CDH4: variants seen among roughly 807,000 people sequenced by gnomAD.
The protein encoded by CDH4 is cadherin-4.
CDH4 carries 33 observed loss-of-function variants against 86.0 expected under a neutral mutation model. The observed-to-expected ratio is 0.38, with a 90% CI of 0.29 to 0.51. The LOEUF (loss-of-function observed/expected upper bound fraction) is 0.51. CDH4 is among the 20% of genes least tolerant of loss of function. The probability of loss-of-function intolerance (pLI) is 0.86; values close to 1 mark genes in which losing one functional copy is unlikely to be tolerated. For missense variants in CDH4, 1,114 were observed against 1,307.4 expected (o/e 0.85, Z 2.28); for synonymous variants, 555 against 549.4 (o/e 1.01, Z -0.14).
At chr20:61,289,398 T>G (rs2084310179) in intron 2 of CDH4, among the ~76,000 whole-genome samples, 1 of 152,174 alleles carries the variant, frequency 6.6e-6, no homozygotes, top group African/African-American at 2.4e-5. Context: ...AAGCCCTCTC[T>G]TCTCTGGGGG....
At chr20:61,759,969 A>T (rs2088612795) in intron 3 of CDH4, among the ~76,000 whole-genome samples, 1 of 152,228 alleles carries the variant, frequency 6.6e-6, no homozygotes, top group African/African-American at 2.4e-5. Context: ...GCCAGGACCG[A>T]GGTCACAAGC....
Position 61,733,228 on chromosome 20 carries a change from A to G in CDH4, c.170-10335A>G, listed in dbSNP as rs117410120. Among the ~76,000 whole-genome samples, 786 of 152,198 alleles carry G rather than the reference A, an allele frequency of 5.2e-3. 3 individuals are homozygous for G. The highest frequency in any genetic ancestry group is 6.2e-3 in the Non-Finnish European group (423 of 68,004). ...TTTGGTTGTTTCAAGGGAATTCTCT[A>G]TGTTCCACACAGAGCAAGTTCCGGG... On this transcript the variant is annotated intron_variant, in intron 2 of 15. Transcript: ENST00000614565.
At chr20:61,702,327 C>T (rs1392781279) in intron 2 of CDH4, among the ~76,000 whole-genome samples, 1 of 152,150 alleles carries the variant, frequency 6.6e-6, no homozygotes, top group Non-Finnish European at 1.5e-5. Flanking sequence ...AATCGGGGGC[C>T]CAGGATGGGA....
intron 4 of CDH4, among the ~76,000 whole-genome samples, chr20:61,820,705 G>A (rs913723558): frequency 6.6e-6 from 1 of 152,166 alleles, no homozygotes; most frequent in African/African-American, 2.4e-5. Flanking sequence ...CCTGGAGGCA[G>A]CTTTGCTTTG....
chr20:61,790,478 TC>T (rs2146014677), intron 4 of CDH4, among the ~76,000 whole-genome samples: 2 of 146,208 alleles, frequency 1.4e-5, no homozygotes, highest in Non-Finnish European at 3.0e-5. Context: ...CCACCCACCA[TC>T]CTTCCATTCA....
intron 6 of CDH4, among the ~76,000 whole-genome samples, chr20:61,862,960 T>C (rs1983393405): frequency 1.3e-5 from 2 of 152,186 alleles, no homozygotes; most frequent in South Asian, 4.1e-4. Context: ...TTATTTTCTT[T>C]CTTTGCCGGC....
chr20:61,302,262 C>T (rs891783619), intron 2 of CDH4, among the ~76,000 whole-genome samples: 1 of 152,228 alleles, frequency 6.6e-6, no homozygotes, highest in Non-Finnish European at 1.5e-5. Context: ...TTCTTAGCCA[C>T]TGGGGACCTT....
intron 2 of CDH4, among the ~76,000 whole-genome samples, chr20:61,658,993 C>T (rs1174859903): frequency 6.6e-6 from 1 of 152,170 alleles, no homozygotes; most frequent in African/African-American, 2.4e-5. Flanking sequence ...TCTAACAGGC[C>T]CCCAGGCTGC....
At chr20:61,481,946 T>C (rs1171752908) in intron 2 of CDH4, among the ~76,000 whole-genome samples, 1 of 152,214 alleles carries the variant, frequency 6.6e-6, no homozygotes, top group Non-Finnish European at 1.5e-5. Flanking sequence ...ATCGATGACT[T>C]TGTATGTCTC....
intron 2 of CDH4, among the ~76,000 whole-genome samples, chr20:61,458,324 G>T (rs1439831812): frequency 6.6e-6 from 1 of 151,426 alleles, no homozygotes; most frequent in East Asian, 2.0e-4. Flanking sequence ...GGTGGTGATG[G>T]TCATGGTCAT....
In CDH4 at chr20:61,784,513, C is replaced by G. The variant is rs370346449; in HGVS notation, c.576+11331C>G. Among the ~76,000 whole-genome samples, 9 of 98,434 alleles carry G rather than the reference C, an allele frequency of 9.1e-5. 1 individual carries two copies. Among genetic ancestry groups the G allele is most frequent in the Non-Finnish European group, 1.4e-4 (7 of 49,202 alleles). The allele number at this position is 98,434 out of a possible 152,430, so 64.6% of individuals were successfully genotyped here. A position where few individuals can be genotyped will look rare whatever the true frequency, so the allele number is the denominator to read the frequency against. ...CTGTGCCCCCAGGAGAATGTAAGCC[C>G]AGTTCCTCGGGACAGTTCTCGAGGC... On this transcript the variant is annotated intron_variant, in intron 4 of 15. Transcript: ENST00000614565.
intron 7 of CDH4, among the ~76,000 whole-genome samples, chr20:61,876,040 C>G (rs536238264): frequency 1.3e-5 from 2 of 152,232 alleles, no homozygotes; most frequent in African/African-American, 4.8e-5. Flanking sequence ...CTGACTGGAG[C>G]GTGTGCGTGC....
intron 2 of CDH4, among the ~76,000 whole-genome samples, chr20:61,452,845 A>AAACTGAGTGGC (rs1291820549): frequency 1.3e-5 from 2 of 152,204 alleles, no homozygotes; most frequent in East Asian, 3.9e-4. Context: ...CAAAAACAGA[A>AAACTGAGTGGC]AACTGAGTGA....
At chr20:61,731,728 T>C (rs2088191120) in intron 2 of CDH4, among the ~76,000 whole-genome samples, 1 of 152,158 alleles carries the variant, frequency 6.6e-6, no homozygotes, top group South Asian at 2.1e-4. Context: ...CTCCCTTGGT[T>C]TGGAGACGTG....
chr20:61,469,669 C>A lies in CDH4; in HGVS notation c.169+214732C>A, dbSNP rs114078612. On this transcript the variant is annotated intron_variant, in intron 2 of 15. Coordinates refer to ENST00000614565, the MANE Select transcript of CDH4 (RefSeq NM_001794.5). ...TCTTGGAAAGTTTCCCCAATGTTTT[C>A]TTTTAATAATTTCATGGTTTGAGGT... Among the ~76,000 whole-genome samples, 791 of 152,260 alleles carry A rather than the reference C, an allele frequency of 5.2e-3. 9 individuals are homozygous for A. Among genetic ancestry groups the A allele is most frequent in the African/African-American group, 0.017 (705 of 41,554 alleles).
chr20:61,541,477 C>T (rs1391977841), intron 2 of CDH4, among the ~76,000 whole-genome samples: 1 of 152,196 alleles, frequency 6.6e-6, no homozygotes, highest in East Asian at 1.9e-4. Flanking sequence ...GAATAGAGCT[C>T]TGAAAAGGAC....
chr20:61,810,889 T>C lies in CDH4; in HGVS notation c.577-33779T>C, dbSNP rs1980398958. The stretch of plus-strand genomic sequence containing the variant: ...TCCAGAACGCAGCCAGCACAGAGGG[T>C]ATGGCCGCTCCAGGAAGCTTCGAGA... On this transcript the variant is annotated intron_variant, in intron 4 of 15. Coordinates refer to ENST00000614565, the MANE Select transcript of CDH4 (RefSeq NM_001794.5). This position sits in a 1 kb window ranked among gnomAD's most constrained non-coding sequence, Gnocchi z 4.3. Among the ~76,000 whole-genome samples the C allele has an allele frequency of 6.6e-6, 1 of 151,948 alleles. No individual in the cohort carries two copies. Among genetic ancestry groups the C allele is most frequent in the Non-Finnish European group, 1.5e-5 (1 of 68,012 alleles).
At chr20:61,924,778 A>G in intron 11 of CDH4, among the ~76,000 whole-genome samples, 1 of 151,652 alleles carries the variant, frequency 6.6e-6, no homozygotes, top group South Asian at 2.1e-4. Flanking sequence ...TCACTCACCC[A>G]CAGCCTCCAG....
intron 2 of CDH4, among the ~76,000 whole-genome samples, chr20:61,548,985 G>A (rs184105765): frequency 8.5e-5 from 13 of 152,078 alleles, no homozygotes; most frequent in Admixed American, 8.5e-4. Flanking sequence ...TCGGGTCTCG[G>A]GGGGAGAGGC....
Sources: gnomAD v4.1 joint callset for allele counts (sites outside exome capture counted in the v4.1 genomes callset) on GRCh38, gnomAD v4.1.1 for gene constraint, Gnocchi (gnomAD v3.1) non-coding constraint, MANE v1.5 for transcripts, NCBI Gene and HGNC (gene_info 2026-07-23, HGNC 2026-07-21) for gene names.